PPM1E: variants seen among roughly 807,000 people sequenced by gnomAD.
PPM1E encodes the protein protein phosphatase, Mg2+/Mn2+ dependent 1E.
In PPM1E, 20 loss-of-function variants were observed where a neutral mutation model predicts 65.9. The ratio of observed to expected loss-of-function variants is 0.30; its 90% CI spans 0.21 to 0.44. The LOEUF is 0.44. Ranked by LOEUF, PPM1E falls within the 20% of genes least tolerant of loss-of-function variation. The probability of loss-of-function intolerance (pLI) is 1.00; values close to 1 mark genes in which losing one functional copy is unlikely to be tolerated. For synonymous variants in PPM1E, 352 were observed against 374.9 expected (o/e 0.94, Z 0.70); for missense variants, 713 against 953.1 (o/e 0.75, Z 3.32).
At chr17:58,765,179 CTT>C (rs11298918) in intron 1 of PPM1E, among the ~76,000 whole-genome samples, 54 of 132,076 alleles carry the variant, frequency 4.1e-4, no homozygotes, top group South Asian at 4.8e-4. Flanking sequence ...TTCTTTCTTT[CTT>C]TTTTTTTTTT....
chr17:58,789,424 A>T (rs2050134712), intron 1 of PPM1E, among the ~76,000 whole-genome samples: 1 of 152,082 alleles, frequency 6.6e-6, no homozygotes, highest in Non-Finnish European at 1.5e-5. Context: ...ACCCCAGTTC[A>T]GTCTTCATTA....
chr17:58,837,332 T>TACACACACACACACAC (rs59797345), intron 1 of PPM1E, among the ~76,000 whole-genome samples: 6 of 131,348 alleles, frequency 4.6e-5, no homozygotes, highest in Admixed American at 7.9e-5. Context: ...CACACACACA[T>TACACACACACACACAC]ACACACACAC....
intron 1 of PPM1E, among the ~76,000 whole-genome samples, chr17:58,789,691 C>G (rs1336934368): frequency 6.6e-6 from 1 of 151,856 alleles, no homozygotes; most frequent in African/African-American, 2.4e-5. Flanking sequence ...TTAGATGACT[C>G]TCCGATGTGA....
intron 1 of PPM1E, among the ~76,000 whole-genome samples, chr17:58,908,322 G>T (rs2143493212): frequency 6.6e-6 from 1 of 152,114 alleles, no homozygotes; most frequent in East Asian, 1.9e-4. Context: ...CTTGTGATCT[G>T]CCCACCTTGG....
chr17:58,885,882 A>G (rs2051259239), intron 1 of PPM1E, among the ~76,000 whole-genome samples: 1 of 152,238 alleles, frequency 6.6e-6, no homozygotes. Context: ...ACATGGGAGT[A>G]GGGAGGAGAA....
intron 1 of PPM1E, among the ~76,000 whole-genome samples, chr17:58,770,860 CTTTTTTT>C (rs781300201): frequency 7.3e-6 from 1 of 136,468 alleles, no homozygotes; most frequent in African/African-American, 2.7e-5. Flanking sequence ...TGTAACTTTT[CTTTTTTT>C]TTTTTTTTTA....
intron 1 of PPM1E, among the ~76,000 whole-genome samples, chr17:58,868,661 A>G (rs964873962): frequency 1.3e-5 from 2 of 151,210 alleles, no homozygotes; most frequent in African/African-American, 4.9e-5. Flanking sequence ...TGGTTGGACA[A>G]TTGTTTTAAT....
chr17:58,931,574 C>T (rs2051899733), intron 1 of PPM1E, among the ~76,000 whole-genome samples: 1 of 151,540 alleles, frequency 6.6e-6, no homozygotes, highest in African/African-American at 2.4e-5. Context: ...TTATTGGACT[C>T]CAAAAATTAA....
chr17:58,826,251 G>A (rs905515154), intron 1 of PPM1E, among the ~76,000 whole-genome samples: 1 of 149,854 alleles, frequency 6.7e-6, no homozygotes, highest in African/African-American at 2.5e-5. Flanking sequence ...GAGCCGAGAT[G>A]GCTCCACTGC....
intron 3 of PPM1E, among the ~76,000 whole-genome samples, chr17:58,967,929 G>A (rs1053701276): frequency 1.3e-5 from 2 of 151,662 alleles, no homozygotes; most frequent in Non-Finnish European, 2.9e-5. Flanking sequence ...TCAGCCTCCC[G>A]AGTAGCTGGG....
chr17:58,868,182 C>T (rs1795422842), intron 1 of PPM1E, among the ~76,000 whole-genome samples: 1 of 151,924 alleles, frequency 6.6e-6, no homozygotes, highest in African/African-American at 2.4e-5. Context: ...ATACAAAAAT[C>T]AGCCAGCCAT....
intron 1 of PPM1E, among the ~76,000 whole-genome samples, chr17:58,909,388 C>G (rs961042342): frequency 6.6e-6 from 1 of 152,112 alleles, no homozygotes; most frequent in Non-Finnish European, 1.5e-5. Context: ...TCCTTAGTAG[C>G]TAGGACTACA....
chr17:58,884,320 T>C (rs898664462), intron 1 of PPM1E, among the ~76,000 whole-genome samples: 1 of 152,182 alleles, frequency 6.6e-6, no homozygotes, highest in Non-Finnish European at 1.5e-5. Context: ...AATTCTGTGG[T>C]ATATATTGCT....
intron 6 of PPM1E, among the ~76,000 whole-genome samples, chr17:58,979,086 G>T (rs1453867747): frequency 6.6e-6 from 1 of 152,206 alleles, no homozygotes; most frequent in Non-Finnish European, 1.5e-5. Flanking sequence ...ATGTCATTCT[G>T]TGAGAGGACG....
At chr17:58,904,547 T>C (rs542333819) in intron 1 of PPM1E, among the ~76,000 whole-genome samples, 2 of 152,304 alleles carry the variant, frequency 1.3e-5, no homozygotes, top group African/African-American at 4.8e-5. Context: ...GCAAAATAAC[T>C]TGCTGGGATT....
Position 58,883,937 on chromosome 17 carries a change from C to CA in PPM1E, c.465-71703dup, listed in dbSNP as rs1004487239. Among the ~76,000 whole-genome samples, 391 of 149,722 alleles carry CA rather than the reference C, an allele frequency of 2.6e-3. 2 individuals carry two copies. The highest frequency in any genetic ancestry group is 7.9e-3 in the African/African-American group (321 of 40,706). ...CCTTCTGACTTCAACCCAAATTTAC[C>CA]AAAAAAAAATAAAAATAAAAAATTC... On this transcript the variant is annotated intron_variant, in intron 1 of 6. Coordinates refer to ENST00000308249, the MANE Select transcript of PPM1E (RefSeq NM_014906.5).
chr17:58,856,913 G>A (rs925361674), intron 1 of PPM1E, among the ~76,000 whole-genome samples: 7 of 152,080 alleles, frequency 4.6e-5, no homozygotes, highest in Non-Finnish European at 1.0e-4. Context: ...TCCCCCTAGG[G>A]AAATTTTCTT....
At chr17:58,972,710 A>G (rs2030720704) in intron 5 of PPM1E, 122 bp from the exon 6 acceptor site, 1 of 874,400 alleles carries the variant, frequency 1.1e-6, no homozygotes, top group South Asian at 1.5e-5. Context: ...CCACCCTCCA[A>G]TGGAGAAACA....
intron 1 of PPM1E, among the ~76,000 whole-genome samples, chr17:58,889,942 A>G (rs2143426018): frequency 6.6e-6 from 1 of 152,350 alleles, no homozygotes; most frequent in East Asian, 1.9e-4. Flanking sequence ...TATCTAATCA[A>G]AGTAATCAGT....
Sources: allele counts gnomAD v4.1 joint callset (sites outside exome capture counted in the v4.1 genomes callset), GRCh38; gene constraint gnomAD v4.1.1; transcripts MANE v1.5; gene names NCBI Gene and HGNC (gene_info 2026-07-23, HGNC 2026-07-21).